Variants in ABCB6 observed in about 807,000 individuals in gnomAD.
The protein encoded by ABCB6 is ATP binding cassette subfamily B member 6 (LAN blood group).
In ABCB6, 87 loss-of-function variants were observed where a neutral mutation model predicts 99.4. The observed-to-expected ratio is 0.88, with a 90% CI of 0.74 to 1.05. The LOEUF is 1.05. Ranked by LOEUF, ABCB6 falls within the 50% of genes least tolerant of loss-of-function variation. ABCB6 has a pLI of 0.00. For synonymous variants in ABCB6, 482 were observed against 447.5 expected (o/e 1.08, Z -0.97); for missense variants, 1,050 against 1,097.9 (o/e 0.96, Z 0.62).
At position 219,214,099 on chromosome 2, in the gene ABCB6, G is replaced by A. The variant is rs755386922; in HGVS notation, c.1452+22C>T. On this transcript the variant is annotated intron_variant, in intron 8 of 18. Coordinates refer to ENST00000265316, the MANE Select transcript of ABCB6 (RefSeq NM_005689.4). ...CCAGGCCAGGGCATTATTCTCCGGA[G>A]GCCTCAAACTAGCATCCTCACCTGA... is the stretch of plus-strand genomic sequence containing the variant. 126 of 1,613,586 alleles carry A rather than the reference G, an allele frequency of 7.8e-5. 2 individuals are homozygous for A. In the Middle Eastern group the frequency reaches 9.9e-4, roughly 13 times the overall value.
Position 219,218,234 on chromosome 2 carries a change from C to A in ABCB6, c.440G>T (p.Ser147Ile). Residue 147 changes from serine to isoleucine, a missense_variant, in exon 1 of 19, where the codon AGC (serine) becomes ATC (isoleucine). By Grantham distance (142) the Ser-to-Ile change is moderately radical. Transcript: ENST00000265316. ...AMGIWIKFRHSPGLLLLWTVA... is the reference protein window; with the variant it reads ...AMGIWIKFRHIPGLLLLWTVA... ...AGTCCAGAGGAGCAGGAGACCAGGG[C>A]TGTGCCTGAACTTGATCCAGATGCC... 1 of 1,613,756 alleles carries A rather than the reference C, an allele frequency of 6.2e-7. No homozygotes were observed. Among genetic ancestry groups the A allele is most frequent in the Non-Finnish European group, 8.5e-7 (1 of 1,180,032 alleles).
chr2:219,210,567 A>G, intron 16 of ABCB6, 92 bp from the exon 17 acceptor site: 1 of 1,587,866 alleles, frequency 6.3e-7, no homozygotes, highest in Non-Finnish European at 8.6e-7. Flanking sequence ...AGAATACACA[A>G]GAGCCTTGTT....
Position 219,215,099 on chromosome 2 carries a change from A to C in ABCB6, c.1155-17T>G. 6.2e-7 allele frequency: 1 copy of C among 1,613,968 alleles called. No individual in the cohort carries two copies. The highest frequency in any genetic ancestry group is 8.5e-7 in the Non-Finnish European group (1 of 1,179,956). On this transcript the variant is annotated splice_polypyrimidine_tract_variant and intron_variant, in intron 5 of 18. Transcript: ENST00000265316. ...ACCAGGTAGCTAGGAGGGCAGGTCA[A>C]GTGAATAAGAAAGGTCTGGGGGCTT...
intron 5 of ABCB6, 160 bp downstream of exon 5, chr2:219,215,837 A>G: frequency 1.4e-6 from 1 of 697,278 alleles, no homozygotes; most frequent in Non-Finnish European, 2.1e-6. Flanking sequence ...GCATTACCTA[A>G]GTTATTAGGA....
At position 219,210,832 on chromosome 2, in the gene ABCB6, A is replaced by G. The variant is rs1255987978; in HGVS notation, c.2144-9T>C. The G allele has an allele frequency of 6.2e-7, 1 of 1,613,846 alleles. No homozygotes were observed. Among genetic ancestry groups the G allele is most frequent in the Admixed American group, 1.7e-5 (1 of 59,992 alleles). On this transcript the variant is annotated splice_polypyrimidine_tract_variant and intron_variant, in intron 15 of 18. Coordinates refer to ENST00000265316, the MANE Select transcript of ABCB6 (RefSeq NM_005689.4). ...CACCTGTGTCCTGTACCCTGTGGAT[A>G]TTACCCACCACACGTTTCTTACGAA... is the stretch of plus-strand genomic sequence containing the variant.
In ABCB6 at chr2:219,211,055, G is replaced by C. The variant is rs1243889548; in HGVS notation, c.2022C>G (p.Val674=). Residue 674 remains valine (V), a synonymous_variant, in exon 15 of 19, where the codon GTC becomes GTG. Coordinates refer to ENST00000265316, the MANE Select transcript of ABCB6 (RefSeq NM_005689.4). ...TGTCGGCGATGGTGTCATTAAAGAG[G>C]ACAGTGTCTTGGGGCACAACTCCAA... The part of the protein sequence containing the change: ...SHIGVVPQDT[V]LFNDTIADNI... The C allele has an allele frequency of 6.8e-6, 11 of 1,614,182 alleles. No homozygotes were observed. The South Asian group carries it at 1.2e-4, about 18-fold the overall frequency.
chr2:219,218,068 G>A (rs1950668455), intron 1 of ABCB6, 57 bp downstream of exon 1: 2 of 1,537,456 alleles, frequency 1.3e-6, no homozygotes, highest in South Asian at 2.5e-5. Flanking sequence ...TGGACATGCA[G>A]TGCTTTCTCC....
Position 219,218,458 on chromosome 2 carries a change from G to T in ABCB6, c.216C>A (p.Pro72=), listed in dbSNP as rs779886874. 7.5e-6 allele frequency: 12 copies of T among 1,608,800 alleles called. No homozygotes were observed. In the Admixed American group the frequency reaches 1.0e-4, roughly 14 times the overall value. The change falls in exon 1 of 19, where the codon CCC becomes CCA. Residue 72 remains proline, a synonymous_variant. Coordinates refer to ENST00000265316, the MANE Select transcript of ABCB6 (RefSeq NM_005689.4). ...TGGCCAGAAGCAGCTGCAGCACGTA[G>T]GGAGAGATGCGAGGGCCGGCCCCCC... The part of the protein sequence containing the change: ...LSWGAGPRIS[P]YVLQLLLATL...
Position 219,209,790 on chromosome 2 carries a change from T to A in ABCB6, c.*148A>T. On this transcript the variant is annotated 3_prime_UTR_variant, in exon 19 of 19. Coordinates refer to ENST00000265316, the MANE Select transcript of ABCB6 (RefSeq NM_005689.4). Reference sequence around the variant, plus strand: ...ATCCTCGCACAGTCCACATTTTTATTTCCCCAAAAGATGTTTTTCGGAAAG... The same window carrying A: ...ATCCTCGCACAGTCCACATTTTTATATCCCCAAAAGATGTTTTTCGGAAAG... 1.4e-6 allele frequency: 1 copy of A among 718,140 alleles called. No homozygotes were observed. Among genetic ancestry groups the A allele is most frequent in the South Asian group, 1.7e-5 (1 of 60,380 alleles). The allele number at this position is 718,140 out of a possible 1,614,324, so 44.5% of individuals were successfully genotyped here.
At chr2:219,217,163 A>G (rs879733851) in intron 2 of ABCB6, among the ~76,000 whole-genome samples, 1 of 151,856 alleles carries the variant, frequency 6.6e-6, no homozygotes, top group Non-Finnish European at 1.5e-5. Context: ...GTTCAAGACT[A>G]GCCTGGCCAA....
In ABCB6 at chr2:219,214,509, A is replaced by G. The variant is rs749809095; in HGVS notation, c.1277-11T>C. 8.8e-6 allele frequency: 14 copies of G among 1,598,028 alleles called. No individual in the cohort carries two copies. The African/African-American group carries it at 1.9e-4, about 21-fold the overall frequency. ...CCACAATGGTCAGGGCTGGAGAGTG[A>G]CAGGATGGGGAGCAGAATAGGACAT... On this transcript the variant is annotated splice_polypyrimidine_tract_variant and intron_variant, in intron 6 of 18. Coordinates refer to ENST00000265316, the MANE Select transcript of ABCB6 (RefSeq NM_005689.4).
chr2:219,213,081 G>A lies in ABCB6; in HGVS notation c.1806-16C>T, dbSNP rs2106424452. The A allele has an allele frequency of 6.2e-7, 1 of 1,613,360 alleles. No individual in the cohort carries two copies. The highest frequency in any genetic ancestry group is 8.5e-7 in the Non-Finnish European group (1 of 1,179,594). On this transcript the variant is annotated splice_polypyrimidine_tract_variant and intron_variant, in intron 12 of 18. Transcript: ENST00000265316. ...AGTCTCCCGCCTGCAAGGAAAGGTG[G>A]GGTTGCTCAGCAGGCACCTTCCATC...
rs1345955938 is a variant in ABCB6 at position 219,218,194 on chromosome 2, A to G, written c.480T>C (p.Ala160=). 1.2e-6 allele frequency: 2 copies of G among 1,613,688 alleles called. No homozygotes were observed. Among genetic ancestry groups the G allele is most frequent in the African/African-American group, 1.3e-5 (1 of 74,932 alleles). Residue 160 remains alanine (A), a synonymous_variant, in exon 1 of 19, where the codon GCT becomes GCC. Transcript: ENST00000265316. ...TCCAAGACACCAGGGCCAAGTTCTC[A>G]GCTGCAAACGCCACAGTCCAGAGGA... is the stretch of plus-strand genomic sequence containing the variant. The part of the protein sequence containing the change: ...LLLLWTVAFA[A]ENLALVSWNS...
In ABCB6 at chr2:219,216,694, G is replaced by A. The variant is rs57467915; in HGVS notation, c.826C>T (p.Arg276Trp). 19,392 of 1,585,890 alleles carry A rather than the reference G, an allele frequency of 0.012. 164 individuals carry two copies. Among genetic ancestry groups the A allele is most frequent in the Non-Finnish European group, 0.014 (16,744 of 1,166,268 alleles). The stretch of plus-strand genomic sequence containing the variant: ...ATAGGCACCAACACATTGAGTGCCC[G>A]TTCCAAACCCATGAGCCCCAGGCAG... ...LICLGLMGLE[R>W]ALNVLVPIFY... The change falls in exon 3 of 19, where the codon CGG becomes TGG. Residue 276 changes from arginine to tryptophan, a missense_variant. Coordinates refer to ENST00000265316, the MANE Select transcript of ABCB6 (RefSeq NM_005689.4). This position sits in a 1 kb window ranked among gnomAD's most constrained non-coding sequence, Gnocchi z 4.2.
chr2:219,214,607 C>T (rs1056006055), intron 6 of ABCB6, 109 bp from the exon 7 acceptor site: 17 of 820,038 alleles, frequency 2.1e-5, no homozygotes, highest in African/African-American at 1.0e-4. Flanking sequence ...TGCTCAAGCC[C>T]GGACACCCAG....
At position 219,216,782 on chromosome 2, in the gene ABCB6, G is replaced by A; in HGVS notation, c.738C>T (p.Leu246=). 8.1e-6 allele frequency: 13 copies of A among 1,612,770 alleles called. No individual in the cohort carries two copies. Among genetic ancestry groups the A allele is most frequent in the Non-Finnish European group, 1.1e-5 (13 of 1,179,640 alleles). The change falls in exon 3 of 19, where the codon CTC becomes CTT. Residue 246 remains leucine (L), a synonymous_variant. Transcript: ENST00000265316. This position sits in a 1 kb window ranked among gnomAD's most constrained non-coding sequence, Gnocchi z 4.2. The part of the protein sequence containing the change: ...QSTWRDFGRK[L]RLLSGYLWPR... ...GCCACAGGTAGCCACTCAGGAGGCG[G>A]AGCTTCCTGCCAAAATCTCGCCAGG...
At chr2:219,210,127 G>A (rs1950557121) in intron 18 of ABCB6, 81 bp from the exon 19 acceptor site, 2 of 1,596,486 alleles carry the variant, frequency 1.3e-6, no homozygotes, top group East Asian at 2.2e-5. Flanking sequence ...GAGAGGACGG[G>A]ATGGGAAGGG....
chr2:219,212,945 A>C, intron 13 of ABCB6, 63 bp downstream of exon 13: 1 of 1,551,022 alleles, frequency 6.4e-7, no homozygotes, highest in Non-Finnish European at 8.9e-7. Context: ...GTCACAAGCT[A>C]CCATGGGCAC....
Position 219,209,862 on chromosome 2 carries a change from G to A in ABCB6, c.*76C>T. On this transcript the variant is annotated 3_prime_UTR_variant, in exon 19 of 19. Coordinates refer to ENST00000265316, the MANE Select transcript of ABCB6 (RefSeq NM_005689.4). ...TAGCACCATACCCCAAGACCAGGATGAAATAAGCCAGGGAAAGGAGACACA... is the reference window on the plus strand; with the variant it reads ...TAGCACCATACCCCAAGACCAGGATAAAATAAGCCAGGGAAAGGAGACACA... 1 of 1,156,896 alleles carries A rather than the reference G, an allele frequency of 8.6e-7. No individual in the cohort carries two copies. 71.7% of individuals were successfully genotyped at this position (1,156,896 alleles called of 1,614,324 possible).
Sources: allele counts gnomAD v4.1 joint callset (sites outside exome capture counted in the v4.1 genomes callset), GRCh38; gene constraint gnomAD v4.1.1; non-coding constraint Gnocchi (gnomAD v3.1); transcripts MANE v1.5; gene names NCBI Gene and HGNC (gene_info 2026-07-23, HGNC 2026-07-21).